The following FGGY variants were observed in gnomAD, a reference collection of about 807,000 sequenced individuals.
FGGY encodes the protein FGGY carbohydrate kinase domain containing, also known as FGGY carbohydrate kinase domain-containing protein.
FGGY carries 72 observed loss-of-function variants against 71.3 expected under a neutral mutation model. That is an observed-to-expected ratio of 1.01 (90% CI 0.84 to 1.23). FGGY has a LOEUF of 1.23. Ranked by LOEUF, FGGY falls within the 50% of genes most tolerant of loss-of-function variation. FGGY has a pLI of 0.00. For synonymous variants in FGGY, 251 were observed against 250.3 expected (o/e 1.00, Z -0.02); for missense variants, 668 against 682.3 (o/e 0.98, Z 0.23).
intron 5 of FGGY, among the ~76,000 whole-genome samples, chr1:59,454,070 A>T (rs552130906): frequency 6.2e-4 from 94 of 152,296 alleles, no homozygotes; most frequent in Non-Finnish European, 1.3e-3. Context: ...ACTTTCACAG[A>T]GGAGCTGACA....
intron 14 of FGGY, among the ~76,000 whole-genome samples, chr1:59,717,638 C>G (rs1396711334): frequency 6.6e-6 from 1 of 152,092 alleles, no homozygotes; most frequent in African/African-American, 2.4e-5. Context: ...ATTGAGAAGG[C>G]CATGACCAGC....
intron 8 of FGGY, among the ~76,000 whole-genome samples, chr1:59,569,365 A>G (rs2095939423): frequency 6.6e-6 from 1 of 152,216 alleles, no homozygotes; most frequent in African/African-American, 2.4e-5. Flanking sequence ...GCACAATAGA[A>G]TATATTTCCA....
intron 5 of FGGY, among the ~76,000 whole-genome samples, chr1:59,404,566 A>T (rs1292400806): frequency 1.3e-5 from 2 of 152,184 alleles, no homozygotes; most frequent in Admixed American, 1.3e-4. Context: ...AATCAGAATG[A>T]TGCCTCAGAA....
At chr1:59,359,927 C>T (rs1005474091) in intron 4 of FGGY, among the ~76,000 whole-genome samples, 5 of 152,020 alleles carry the variant, frequency 3.3e-5, no homozygotes, top group East Asian at 1.9e-4. Context: ...ACCTGGCCTC[C>T]GTTTCTCATT....
intron 6 of FGGY, among the ~76,000 whole-genome samples, chr1:59,493,883 G>A (rs1325386469): frequency 1.3e-5 from 2 of 152,048 alleles, no homozygotes; most frequent in Non-Finnish European, 2.9e-5. Context: ...TCTTCTTGGG[G>A]GAGATAGAGA....
At chr1:59,731,062 C>G (rs1351111428) in intron 14 of FGGY, among the ~76,000 whole-genome samples, 2 of 152,228 alleles carry the variant, frequency 1.3e-5, no homozygotes, top group East Asian at 3.9e-4. Context: ...CATTTTCTCC[C>G]TGCTACAAAG....
intron 11 of FGGY, among the ~76,000 whole-genome samples, chr1:59,654,079 G>A (rs1038776507): frequency 5.3e-5 from 8 of 152,178 alleles, no homozygotes; most frequent in Non-Finnish European, 1.2e-4. Flanking sequence ...ACAGAATATT[G>A]AGGGGACATA....
chr1:59,626,913 CA>C (rs1242744715), intron 10 of FGGY: 1 of 151,618 alleles, frequency 6.6e-6, no homozygotes, highest in Non-Finnish European at 1.5e-5. Context: ...TAGTTACCTA[CA>C]GGGGGTGGGT....
chr1:59,488,528 T>G (rs1340133796), intron 6 of FGGY, among the ~76,000 whole-genome samples: 1 of 148,244 alleles, frequency 6.7e-6, no homozygotes, highest in Non-Finnish European at 1.5e-5. Flanking sequence ...ATATTATATA[T>G]AAATATGTAT....
rs142587787 is a variant in FGGY, at chr1:59,378,798, C to T, written c.515C>T (p.Pro172Leu). The T allele has an allele frequency of 4.3e-6, 7 of 1,613,490 alleles. No individual in the cohort carries two copies. Among genetic ancestry groups the T allele is most frequent in the African/African-American group, 1.3e-5 (1 of 74,960 alleles). The change falls in exon 5 of 16, where the codon CCG becomes CTG. Residue 172 changes from proline to leucine, a missense_variant. Pro to Leu is a moderately conservative substitution (Grantham distance 98, BLOSUM62 -3). Coordinates refer to ENST00000303721, the MANE Select transcript of FGGY (RefSeq NM_018291.5). Reference protein sequence around the residue: ...WDKAGHFFDLPDFLSWKATGV... With the variant: ...WDKAGHFFDLLDFLSWKATGV... Reference sequence around the variant, plus strand: ...AAGGCGGGACATTTCTTTGATCTCCCGGACTTCTTATCGTGGAAGGCAACA... The same window carrying T: ...AAGGCGGGACATTTCTTTGATCTCCTGGACTTCTTATCGTGGAAGGCAACA...
intron 9 of FGGY, among the ~76,000 whole-genome samples, chr1:59,610,874 C>A (rs182911615): frequency 6.4e-4 from 97 of 152,380 alleles, no homozygotes; most frequent in African/African-American, 2.2e-3. Flanking sequence ...TATCCTGCGC[C>A]TGGCTCAGAG....
At chr1:59,721,022 G>T (rs963381813) in intron 14 of FGGY, among the ~76,000 whole-genome samples, 3 of 152,038 alleles carry the variant, frequency 2.0e-5, no homozygotes, top group African/African-American at 7.2e-5. Context: ...TCTTTCCGTT[G>T]ATTTTTTCAT....
chr1:59,757,717 T>C (rs1481098743), intron 14 of FGGY, among the ~76,000 whole-genome samples: 1 of 152,094 alleles, frequency 6.6e-6, no homozygotes, highest in African/African-American at 2.4e-5. Context: ...GCCCAGGAGG[T>C]GTGGTCATAA....
chr1:59,459,601 G>A (rs1373922436), intron 6 of FGGY, among the ~76,000 whole-genome samples: 1 of 152,152 alleles, frequency 6.6e-6, no homozygotes, highest in Non-Finnish European at 1.5e-5. Flanking sequence ...CCAACAAACT[G>A]ATCTGTGTCA....
At chr1:59,505,239 A>G (rs1380176884) in intron 6 of FGGY, among the ~76,000 whole-genome samples, 3 of 152,234 alleles carry the variant, frequency 2.0e-5, no homozygotes, top group Non-Finnish European at 4.4e-5. Context: ...AATAGTGTCG[A>G]CTAGAAAGTA....
intron 8 of FGGY, among the ~76,000 whole-genome samples, chr1:59,592,314 G>A (rs1222458444): frequency 6.6e-6 from 1 of 152,044 alleles, no homozygotes; most frequent in Non-Finnish European, 1.5e-5. Context: ...TGGAGAAATA[G>A]GAACACTTTT....
intron 7 of FGGY, among the ~76,000 whole-genome samples, chr1:59,535,495 A>G (rs1297071096): frequency 6.6e-6 from 1 of 152,314 alleles, no homozygotes; most frequent in East Asian, 1.9e-4. Flanking sequence ...ATAGACATCT[A>G]CAGAACTCTC....
chr1:59,339,143 A>G (rs1409971601), intron 2 of FGGY, among the ~76,000 whole-genome samples: 1 of 152,230 alleles, frequency 6.6e-6, no homozygotes, highest in Non-Finnish European at 1.5e-5. Flanking sequence ...TAAGGTATAT[A>G]TGAAACATAT....
At chr1:59,455,224 A>G (rs2091567176) in intron 5 of FGGY, among the ~76,000 whole-genome samples, 1 of 152,178 alleles carries the variant, frequency 6.6e-6, no homozygotes, top group Non-Finnish European at 1.5e-5. Context: ...AGATAAAGGT[A>G]TGTCCAGATT....
Sources: allele counts gnomAD v4.1 joint callset (sites outside exome capture counted in the v4.1 genomes callset), GRCh38; gene constraint gnomAD v4.1.1; transcripts MANE v1.5; gene names NCBI Gene and HGNC (gene_info 2026-07-23, HGNC 2026-07-21).